Variants in THSD7A observed in about 807,000 individuals in gnomAD.
THSD7A encodes thrombospondin type-1 domain-containing protein 7A.
THSD7A carries 96 observed loss-of-function variants against 231.3 expected under a neutral mutation model. The observed-to-expected ratio is 0.41, with a 90% CI of 0.35 to 0.49. The LOEUF is 0.49. Ranked by LOEUF, THSD7A falls within the 20% of genes least tolerant of loss-of-function variation. The pLI is 0.05. For synonymous variants in THSD7A, 940 were observed against 743.3 expected (o/e 1.26, Z -4.30); for missense variants, 2,290 against 2,070.2 (o/e 1.11, Z -2.06).
At chr7:11,594,584 A>G (rs1011086334) in intron 2 of THSD7A, among the ~76,000 whole-genome samples, 3 of 152,116 alleles carry the variant, frequency 2.0e-5, no homozygotes, top group African/African-American at 7.2e-5. Context: ...GAGACTCTAT[A>G]TATAACACCT....
At chr7:11,582,422 T>C (rs1267596484) in intron 4 of THSD7A, among the ~76,000 whole-genome samples, 2 of 152,116 alleles carry the variant, frequency 1.3e-5, no homozygotes, top group East Asian at 3.8e-4. Context: ...TATTGTTTCC[T>C]ATCCTATATT....
chr7:11,555,232 G>A (rs1321709143), intron 4 of THSD7A, among the ~76,000 whole-genome samples: 3 of 151,828 alleles, frequency 2.0e-5, no homozygotes, highest in South Asian at 2.1e-4. Context: ...AGCATTTGGT[G>A]TTACAAATGT....
chr7:11,483,852 CA>C (rs1425464720), intron 6 of THSD7A, among the ~76,000 whole-genome samples: 2 of 152,072 alleles, frequency 1.3e-5, no homozygotes, highest in African/African-American at 4.8e-5. Flanking sequence ...CTTTTCTATT[CA>C]GAAAAATATT....
intron 1 of THSD7A, among the ~76,000 whole-genome samples, chr7:11,781,042 A>G (rs1438337949): frequency 3.6e-5 from 5 of 139,092 alleles, no homozygotes; most frequent in Admixed American, 7.3e-5. Flanking sequence ...AAAAAAATTT[A>G]TAGGGAGAAT....
At chr7:11,786,001 G>A (rs566823402) in intron 1 of THSD7A, among the ~76,000 whole-genome samples, 84 of 151,962 alleles carry the variant, frequency 5.5e-4, no homozygotes, top group South Asian at 3.9e-3. Context: ...TGGTTTATCC[G>A]TTATGGAATA....
chr7:11,452,603 C>T (rs993658713), intron 11 of THSD7A, among the ~76,000 whole-genome samples: 1 of 151,938 alleles, frequency 6.6e-6, no homozygotes, highest in African/African-American at 2.4e-5. Context: ...GTAGCTGAGA[C>T]TGAGGTTGGC....
At chr7:11,453,680 C>A (rs2128296275) in intron 11 of THSD7A, among the ~76,000 whole-genome samples, 1 of 152,040 alleles carries the variant, frequency 6.6e-6, no homozygotes, top group African/African-American at 2.4e-5. Flanking sequence ...GAAGATTGAG[C>A]AAGAGAAAAT....
At chr7:11,489,636 T>C (rs905594679) in intron 6 of THSD7A, among the ~76,000 whole-genome samples, 30 of 152,008 alleles carry the variant, frequency 2.0e-4, no homozygotes, top group African/African-American at 7.0e-4. Flanking sequence ...GAGAAAAGCA[T>C]TTGCAAACTC....
intron 1 of THSD7A, among the ~76,000 whole-genome samples, chr7:11,755,723 G>A (rs958816477): frequency 1.3e-5 from 2 of 152,082 alleles, no homozygotes; most frequent in African/African-American, 4.8e-5. Context: ...CTGGCTCAGA[G>A]CAGACCAGGG....
chr7:11,510,406 C>T (rs1787755311), intron 6 of THSD7A, among the ~76,000 whole-genome samples: 1 of 152,168 alleles, frequency 6.6e-6, no homozygotes, highest in Admixed American at 6.5e-5. Flanking sequence ...AACAGGGAAT[C>T]CTCCCTAACT....
chr7:11,435,456 G>A (rs1784603629), intron 13 of THSD7A, among the ~76,000 whole-genome samples: 1 of 152,026 alleles, frequency 6.6e-6, no homozygotes, highest in African/African-American at 2.4e-5. Context: ...CATGTTATCT[G>A]ACCACCTTTA....
intron 7 of THSD7A, among the ~76,000 whole-genome samples, chr7:11,476,342 C>T (rs944487591): frequency 6.6e-6 from 1 of 151,340 alleles, no homozygotes; most frequent in Non-Finnish European, 1.5e-5. Context: ...CACACACACA[C>T]ACACACACAC....
In THSD7A at chr7:11,377,363, G is replaced by A. The variant is rs1267093644; in HGVS notation, c.4802-706C>T. Among the ~76,000 whole-genome samples, 1 of 151,864 alleles carries A rather than the reference G, an allele frequency of 6.6e-6. No individual in the cohort carries two copies. The highest frequency in any genetic ancestry group is 2.4e-5 in the African/African-American group (1 of 41,362). ...TTTGAACTCCTCAGTTCTATGCTCCGAATAAACTTCAAGCACAAGATGTTA... is the reference window on the plus strand; with the variant it reads ...TTTGAACTCCTCAGTTCTATGCTCCAAATAAACTTCAAGCACAAGATGTTA... On this transcript the variant is annotated intron_variant, in intron 26 of 27. Transcript: ENST00000423059. The surrounding 1 kb of genome is among the most constrained non-coding windows in gnomAD (Gnocchi z 4.5).
At chr7:11,586,711 C>T (rs1173520747) in intron 4 of THSD7A, among the ~76,000 whole-genome samples, 3 of 152,090 alleles carry the variant, frequency 2.0e-5, no homozygotes, top group Non-Finnish European at 2.9e-5. Flanking sequence ...TTCCATTTAG[C>T]AATGGTGTGA....
At chr7:11,449,793 G>A (rs139755826) in intron 11 of THSD7A, among the ~76,000 whole-genome samples, 12 of 152,014 alleles carry the variant, frequency 7.9e-5, no homozygotes, top group African/African-American at 2.2e-4. Context: ...AAGTGCCGAT[G>A]GTTCATGGAC....
chr7:11,637,463 G>A lies in THSD7A; in HGVS notation c.191-502C>T, dbSNP rs899381875. ...TATTTTATTTTCATAGACTATGACTGCAAGGGTCTAATAGTTGTATATCAT... is the reference window on the plus strand; with the variant it reads ...TATTTTATTTTCATAGACTATGACTACAAGGGTCTAATAGTTGTATATCAT... On this transcript the variant is annotated intron_variant, in intron 1 of 27. Coordinates refer to ENST00000423059, the MANE Select transcript of THSD7A (RefSeq NM_015204.3). The surrounding 1 kb of genome is among the most constrained non-coding windows in gnomAD (Gnocchi z 4.2). Among the ~76,000 whole-genome samples the A allele has an allele frequency of 6.6e-6, 1 of 152,156 alleles. No homozygotes were observed. The highest frequency in any genetic ancestry group is 1.5e-5 in the Non-Finnish European group (1 of 68,038).
chr7:11,608,015 A>AT (rs1322003408), intron 2 of THSD7A, among the ~76,000 whole-genome samples: 2 of 152,072 alleles, frequency 1.3e-5, no homozygotes, highest in African/African-American at 4.8e-5. Context: ...CAGTACATAG[A>AT]TTTTCTATCC....
chr7:11,464,781 G>T (rs1470002207), intron 9 of THSD7A, among the ~76,000 whole-genome samples: 1 of 152,112 alleles, frequency 6.6e-6, no homozygotes, highest in African/African-American at 2.4e-5. Context: ...ACCCAGAGAA[G>T]ACGTTTAATG....
chr7:11,643,699 G>A (rs189560970), intron 1 of THSD7A, among the ~76,000 whole-genome samples: 78 of 151,658 alleles, frequency 5.1e-4, no homozygotes, highest in African/African-American at 1.3e-3. Flanking sequence ...CTATGTTTGC[G>A]TAGTGCTTTG....
Sources: allele counts gnomAD v4.1 joint callset (sites outside exome capture counted in the v4.1 genomes callset), GRCh38; gene constraint gnomAD v4.1.1; non-coding constraint Gnocchi (gnomAD v3.1); transcripts MANE v1.5; gene names NCBI Gene and HGNC (gene_info 2026-07-23, HGNC 2026-07-21).